KIF13A: variants seen among roughly 807,000 people sequenced by gnomAD.
The protein encoded by KIF13A is kinesin family member 13A, also known as kinesin-like protein KIF13A.
Under a neutral mutation model 212.2 loss-of-function variants are expected in KIF13A, and 79 were observed. The observed-to-expected ratio is 0.37, with a 90% confidence interval of 0.31 to 0.45. The LOEUF (loss-of-function observed/expected upper bound fraction) is 0.45, where lower values mean the gene tolerates loss of function less well. KIF13A is among the 20% of genes least tolerant of loss of function. KIF13A has a pLI of 1.00. For synonymous variants in KIF13A, 789 were observed against 808.6 expected, an observed-to-expected ratio of 0.98 and a Z score of 0.41; for missense variants, 1,901 against 2,209.0, an observed-to-expected ratio of 0.86 and a Z score of 2.79.
chr6:17,954,431 C>G (rs1778166440), intron 2 of KIF13A, among the ~76,000 whole-genome samples: 1 of 152,080 alleles, frequency 6.6e-6, no homozygotes, highest in Admixed American at 6.6e-5. Context: ...CCCCTCATCC[C>G]TTAGACTAGC....
Position 17,825,625 on chromosome 6 carries a change from C to T in KIF13A, c.1786+143G>A, listed in dbSNP as rs754214465. 1.5e-5 allele frequency: 11 copies of T among 714,496 alleles called. No homozygotes were observed. The highest frequency in any genetic ancestry group is 2.3e-5 in the Non-Finnish European group (10 of 435,630). 44.3% of individuals were successfully genotyped at this position (714,496 alleles called of 1,614,324 possible). Reference sequence around the variant, plus strand: ...CCCACATCTTGTCATTAGTTATTCACTGATGGCCTTTTAAAGAAATGAGCA... The same window carrying T: ...CCCACATCTTGTCATTAGTTATTCATTGATGGCCTTTTAAAGAAATGAGCA... On this transcript the variant is annotated intron_variant, in intron 16 of 38. Coordinates refer to ENST00000259711, the MANE Select transcript of KIF13A (RefSeq NM_022113.6). This position sits in a 1 kb window ranked among gnomAD's most constrained non-coding sequence, Gnocchi z 4.5.
intron 3 of KIF13A, among the ~76,000 whole-genome samples, chr6:17,891,756 C>T (rs1772080139): frequency 6.6e-6 from 1 of 152,084 alleles, no homozygotes; most frequent in Non-Finnish European, 1.5e-5. Flanking sequence ...CGGTGAGACC[C>T]TGTCTCTTAA....
rs1283784975 is a variant in KIF13A at position 17,772,547 on chromosome 6, G to A, written c.4325-488C>T. Reference sequence around the variant, plus strand: ...AAGAGTTACTACAGTGCTAGTCTGTGTGAACAAAGTGAGATAGCAAATTTC... The same window carrying A: ...AAGAGTTACTACAGTGCTAGTCTGTATGAACAAAGTGAGATAGCAAATTTC... On this transcript the variant is annotated intron_variant, in intron 36 of 38. Coordinates refer to ENST00000259711, the MANE Select transcript of KIF13A (RefSeq NM_022113.6). The surrounding 1 kb of genome is among the most constrained non-coding windows in gnomAD (Gnocchi z 4.8). Among the ~76,000 whole-genome samples, 1 of 152,246 alleles carries A rather than the reference G, an allele frequency of 6.6e-6. No homozygotes were observed. The highest frequency in any genetic ancestry group is 2.4e-5 in the African/African-American group (1 of 41,468).
intron 2 of KIF13A, among the ~76,000 whole-genome samples, chr6:17,937,422 G>C (rs1205314934): frequency 6.6e-6 from 1 of 152,174 alleles, no homozygotes; most frequent in Non-Finnish European, 1.5e-5. Context: ...CCTTACATAT[G>C]TTTATTTTTG....
intron 2 of KIF13A, among the ~76,000 whole-genome samples, chr6:17,950,059 G>T (rs973156717): frequency 1.3e-5 from 2 of 152,016 alleles, no homozygotes; most frequent in African/African-American, 4.8e-5. Context: ...ACAATGCAAG[G>T]GTCTGTTGAA....
intron 11 of KIF13A, among the ~76,000 whole-genome samples, chr6:17,835,210 A>G (rs1765827990): frequency 7.0e-5 from 1 of 14,246 alleles, no homozygotes; most frequent in South Asian, 2.5e-3. Context: ...AAAAAAAAAA[A>G]AAAAAAAAAA....
At chr6:17,873,273 G>C in intron 4 of KIF13A, 104 bp downstream of exon 4, 1 of 754,626 alleles carries the variant, frequency 1.3e-6, no homozygotes, top group South Asian at 1.8e-5. Context: ...GAACAGGTGT[G>C]AATTACACAG....
At chr6:17,778,688 A>G (rs1018800095) in intron 33 of KIF13A, among the ~76,000 whole-genome samples, 1 of 152,172 alleles carries the variant, frequency 6.6e-6, no homozygotes, top group African/African-American at 2.4e-5. Context: ...TACTTACCTC[A>G]GGGGGTTATC....
chr6:17,816,979 T>C lies in KIF13A; in HGVS notation c.2000+41A>G, dbSNP rs745614632. 2 of 1,545,850 alleles carry C rather than the reference T, an allele frequency of 1.3e-6. No homozygotes were observed. The highest frequency in any genetic ancestry group is 1.4e-5 in the African/African-American group (1 of 73,546). On this transcript the variant is annotated intron_variant, in intron 17 of 38. Transcript: ENST00000259711. This position sits in a 1 kb window ranked among gnomAD's most constrained non-coding sequence, Gnocchi z 4.3. ...ACCCCTCCCTCAAAGACCCACGGCC[T>C]TGGGGCCTTGACTCTGGGCTGCCCC... is the stretch of plus-strand genomic sequence containing the variant.
intron 17 of KIF13A, among the ~76,000 whole-genome samples, chr6:17,814,392 G>C (rs1033632120): frequency 2.0e-5 from 3 of 151,536 alleles, no homozygotes. Context: ...GGGATTATAG[G>C]TGCCCACGAC....
At chr6:17,907,988 G>A (rs1282554210) in intron 2 of KIF13A, among the ~76,000 whole-genome samples, 4 of 152,186 alleles carry the variant, frequency 2.6e-5, no homozygotes, top group Non-Finnish European at 5.9e-5. Context: ...ACACGCACTG[G>A]TGAGCCTCTG....
intron 3 of KIF13A, among the ~76,000 whole-genome samples, chr6:17,877,144 C>CAAA (rs35738402): frequency 3.5e-4 from 34 of 97,894 alleles, no homozygotes; most frequent in Admixed American, 5.2e-4. Flanking sequence ...TCTCTCTTGC[C>CAAA]AAAAAAAAAA....
In KIF13A at chr6:17,786,596, T is replaced by C. The variant is rs908634799; in HGVS notation, c.3362-955A>G. 6.6e-6 allele frequency among the ~76,000 whole-genome samples: 1 copy of C among 151,900 alleles called. No homozygotes were observed. The highest frequency in any genetic ancestry group is 1.5e-5 in the Non-Finnish European group (1 of 67,956). On this transcript the variant is annotated intron_variant, in intron 27 of 38. Transcript: ENST00000259711. The surrounding 1 kb of genome is among the most constrained non-coding windows in gnomAD (Gnocchi z 5.4). ...GCCTGGGCGACAGAGGGAGACTCCA[T>C]CTCAAAAATAAAAATAAAAAAATAA...
chr6:17,844,804 G>A (rs975323958), intron 9 of KIF13A, among the ~76,000 whole-genome samples: 1 of 152,082 alleles, frequency 6.6e-6, no homozygotes, highest in African/African-American at 2.4e-5. Flanking sequence ...AAATTAAGAA[G>A]GACACCCACC....
At chr6:17,975,860 T>C (rs1377472074) in intron 2 of KIF13A, among the ~76,000 whole-genome samples, 1 of 151,892 alleles carries the variant, frequency 6.6e-6, no homozygotes, top group Non-Finnish European at 1.5e-5. Flanking sequence ...TGCTAATTGG[T>C]GTTTACAAAC....
intron 2 of KIF13A, among the ~76,000 whole-genome samples, chr6:17,946,387 C>T (rs1407494830): frequency 1.3e-5 from 2 of 150,248 alleles, no homozygotes; most frequent in Non-Finnish European, 3.0e-5. Context: ...TTGCATATAA[C>T]AAAAGATTAA....
At chr6:17,942,581 C>T (rs182636858) in intron 2 of KIF13A, among the ~76,000 whole-genome samples, 1 of 152,250 alleles carries the variant, frequency 6.6e-6, no homozygotes, top group African/African-American at 2.4e-5. Context: ...ACAGCTCTTC[C>T]AGCATATCTG....
chr6:17,929,299 G>T (rs1367856570), intron 2 of KIF13A, among the ~76,000 whole-genome samples: 1 of 152,098 alleles, frequency 6.6e-6, no homozygotes, highest in Non-Finnish European at 1.5e-5. Flanking sequence ...GAATGCAGTG[G>T]CGCCATCATA....
At chr6:17,832,384 G>A (rs1237330987) in intron 12 of KIF13A, among the ~76,000 whole-genome samples, 2 of 152,080 alleles carry the variant, frequency 1.3e-5, no homozygotes, top group Non-Finnish European at 2.9e-5. Flanking sequence ...CTGTCAATTA[G>A]GTAGCCTCTT....
Sources: gnomAD v4.1 joint callset for allele counts (sites outside exome capture counted in the v4.1 genomes callset) on GRCh38, gnomAD v4.1.1 for gene constraint, Gnocchi (gnomAD v3.1) non-coding constraint, MANE v1.5 for transcripts, NCBI Gene and HGNC (gene_info 2026-07-23, HGNC 2026-07-21) for gene names.